The following ZFTRAF1 variants were observed in gnomAD, a reference collection of about 807,000 sequenced individuals.
The protein encoded by ZFTRAF1 is zinc finger TRAF-type-containing protein 1.
the ZFTRAF1 span, chr8:144,450,124 GGTGCACC>G: frequency 2.0e-6 from 1 of 490,470 alleles, no homozygotes; most frequent in African/African-American, 1.9e-5. Context: ...CGGGGCGCCT[GGTGCACC>G]GTCTCCTCTT....
At chr8:144,455,872 C>A in the ZFTRAF1 span, 1 of 152,752 alleles carries the variant, frequency 6.5e-6, no homozygotes, top group Non-Finnish European at 1.5e-5. Context: ...CACTTACCTC[C>A]CAGCACTGCG....
chr8:144,452,940 G>A, the ZFTRAF1 span, among the ~76,000 whole-genome samples: 4 of 152,368 alleles, frequency 2.6e-5, no homozygotes, highest in East Asian at 1.9e-4. Context: ...GAGGTCCTGC[G>A]TTGGACACGC....
the ZFTRAF1 span, chr8:144,453,098 TG>T: frequency 1.2e-6 from 1 of 841,044 alleles, no homozygotes; most frequent in Non-Finnish European, 1.8e-6. Flanking sequence ...GCTACACAGG[TG>T]GTCCCCAAGG....
At chr8:144,460,197 T>C in the ZFTRAF1 span, among the ~76,000 whole-genome samples, 2 of 152,104 alleles carry the variant, frequency 1.3e-5, no homozygotes, top group Non-Finnish European at 2.9e-5. Context: ...GCTGCTCTGT[T>C]CCCAGGGAAG....
At chr8:144,462,096 G>C in the ZFTRAF1 span, among the ~76,000 whole-genome samples, 10 of 152,194 alleles carry the variant, frequency 6.6e-5, no homozygotes, top group African/African-American at 2.2e-4. Flanking sequence ...CTGAGAGAAA[G>C]ACAACGAGGA....
At chr8:144,458,993 G>A in the ZFTRAF1 span, among the ~76,000 whole-genome samples, 1 of 152,252 alleles carries the variant, frequency 6.6e-6, no homozygotes, top group African/African-American at 2.4e-5. Flanking sequence ...CTTCCTCCAG[G>A]TGCCAGCACC....
the ZFTRAF1 span, chr8:144,455,366 G>C: frequency 6.6e-6 from 1 of 152,326 alleles, no homozygotes; most frequent in South Asian, 2.1e-4. Context: ...CCTGAGGCAG[G>C]GAGTGAGACT....
At chr8:144,459,514 T>C in the ZFTRAF1 span, among the ~76,000 whole-genome samples, 1 of 152,224 alleles carries the variant, frequency 6.6e-6, no homozygotes, top group African/African-American at 2.4e-5. Context: ...CCAAGCAGGT[T>C]TCCCAGCCTG....
chr8:144,462,397 C>A, the ZFTRAF1 span: 10 of 425,310 alleles, frequency 2.4e-5, no homozygotes, highest in Non-Finnish European at 4.1e-5. Flanking sequence ...CCGCCTCGGC[C>A]GCCTCGGCTG....
the ZFTRAF1 span, chr8:144,453,512 G>A: frequency 3.3e-5 from 48 of 1,464,470 alleles, 1 homozygote; most frequent in East Asian, 6.0e-4. Context: ...GCTCATGCTC[G>A]CACACACCCG....
chr8:144,453,990 G>A, the ZFTRAF1 span: 107 of 156,100 alleles, frequency 6.9e-4, no homozygotes, highest in East Asian at 2.1e-3. Flanking sequence ...CTGCCCCCTC[G>A]TCCAGGGAGG....
At chr8:144,451,935 T>C in the ZFTRAF1 span, 346 of 275,492 alleles carry the variant, frequency 1.3e-3, 1 homozygote, top group Non-Finnish European at 2.2e-3. Flanking sequence ...TGCCTGCAGG[T>C]AGGACCTCAC....
chr8:144,451,753 C>G, the ZFTRAF1 span: 4 of 164,186 alleles, frequency 2.4e-5, no homozygotes, highest in Non-Finnish European at 5.4e-5. Context: ...GCGGTGGCAG[C>G]GGCCCAGAGA....
the ZFTRAF1 span, chr8:144,452,085 G>A: frequency 5.9e-6 from 3 of 504,674 alleles, no homozygotes; most frequent in East Asian, 3.7e-5. Flanking sequence ...ACCTTGCAGG[G>A]ATGGTGAAGC....
the ZFTRAF1 span, chr8:144,450,893 C>T: frequency 3.3e-6 from 2 of 599,298 alleles, no homozygotes; most frequent in Admixed American, 2.9e-5. Flanking sequence ...TACCCGGACA[C>T]CGGGCTCTGC....
chr8:144,454,165 C>T, the ZFTRAF1 span: 7 of 152,476 alleles, frequency 4.6e-5, no homozygotes, highest in African/African-American at 1.7e-4. Context: ...AGGAGCAGGG[C>T]ACCTCCCGCT....
At chr8:144,453,845 T>C in the ZFTRAF1 span, 1 of 201,972 alleles carries the variant, frequency 5.0e-6, no homozygotes, top group African/African-American at 2.3e-5. Context: ...CACTGGGCTC[T>C]TGGCCATCAC....
the ZFTRAF1 span, chr8:144,462,584 ACCCCGG>A: frequency 8.1e-6 from 1 of 124,164 alleles, no homozygotes; most frequent in Non-Finnish European, 1.7e-5. Flanking sequence ...CCCGACCCCG[ACCCCGG>A]CCGGCACGGA....
the ZFTRAF1 span, among the ~76,000 whole-genome samples, chr8:144,461,995 G>A: frequency 1.3e-5 from 2 of 152,196 alleles, no homozygotes; most frequent in African/African-American, 2.4e-5. Flanking sequence ...GAAAAAAGAA[G>A]GGAGAGGTAA....
Sources: allele counts gnomAD v4.1 joint callset (sites outside exome capture counted in the v4.1 genomes callset), GRCh38; gene constraint gnomAD v4.1.1; transcripts MANE v1.5; gene names NCBI Gene and HGNC (gene_info 2026-07-23, HGNC 2026-07-21).